The following CUZD1 variants were observed in gnomAD, a reference collection of about 807,000 sequenced individuals.
CUZD1 encodes the protein CUB and zona pellucida-like domain-containing protein 1.
Under a neutral mutation model 53.1 loss-of-function variants are expected in CUZD1, and 42 were observed. That is an observed-to-expected ratio of 0.79 (90% confidence interval 0.62 to 1.02). The LOEUF is 1.02. Among genes scored for constraint, CUZD1 ranks in the 50% least tolerant of loss-of-function variants. CUZD1 has a pLI of 0.00. For missense variants in CUZD1, 670 were observed against 715.7 expected (o/e 0.94, Z 0.73); for synonymous variants, 238 against 257.2 (o/e 0.93, Z 0.71).
At chr10:122,840,123 T>C (rs1033527927) in intron 2 of CUZD1, among the ~76,000 whole-genome samples, 1 of 152,220 alleles carries the variant, frequency 6.6e-6, no homozygotes, top group Non-Finnish European at 1.5e-5. Context: ...AAGAATAGCA[T>C]ATATGTTTCT....
At chr10:122,845,378 A>T (rs1847420314) in intron 1 of CUZD1, among the ~76,000 whole-genome samples, 1 of 151,166 alleles carries the variant, frequency 6.6e-6, no homozygotes, top group Non-Finnish European at 1.5e-5. Context: ...CCCAGCCATC[A>T]TTTTTTTTTA....
At chr10:122,840,865 C>T (rs1847330051) in intron 2 of CUZD1, among the ~76,000 whole-genome samples, 1 of 152,164 alleles carries the variant, frequency 6.6e-6, no homozygotes, top group South Asian at 2.1e-4. Context: ...GAAACTGGAA[C>T]TAGACCAGCT....
At chr10:122,838,249 C>T (rs1022929951) in intron 3 of CUZD1, among the ~76,000 whole-genome samples, 30 of 152,244 alleles carry the variant, frequency 2.0e-4, no homozygotes, top group African/African-American at 6.3e-4. Context: ...CTGGGTCCAG[C>T]GTGGGAAAAC....
chr10:122,845,678 A>G, intron 1 of CUZD1, 84 bp downstream of exon 1: 1 of 1,160,264 alleles, frequency 8.6e-7, no homozygotes, highest in Non-Finnish European at 1.2e-6. Flanking sequence ...CAACAGATAT[A>G]AACACTTTGA....
intron 1 of CUZD1, among the ~76,000 whole-genome samples, chr10:122,842,946 A>C (rs1358395012): frequency 1.3e-5 from 2 of 152,220 alleles, no homozygotes; most frequent in Non-Finnish European, 2.9e-5. Flanking sequence ...GGCTAGAGTC[A>C]AACACAGAAA....
chr10:122,844,141 A>G (rs1847394648), intron 1 of CUZD1, among the ~76,000 whole-genome samples: 1 of 151,252 alleles, frequency 6.6e-6, no homozygotes, highest in East Asian at 1.9e-4. Flanking sequence ...TGATCCTCCC[A>G]CCTCAGCCGC....
At chr10:122,839,840 AG>A (rs908560090) in intron 2 of CUZD1, among the ~76,000 whole-genome samples, 1 of 152,210 alleles carries the variant, frequency 6.6e-6, no homozygotes, top group Admixed American at 6.5e-5. Flanking sequence ...AAGTAAGACA[AG>A]GGTAGAGAAA....
chr10:122,837,119 A>C, intron 4 of CUZD1, 71 bp from the exon 5 acceptor site: 1 of 1,177,226 alleles, frequency 8.5e-7, no homozygotes, highest in Non-Finnish European at 1.2e-6. Context: ...CATCCCAACA[A>C]TCCTACTCTT....
At chr10:122,833,062 C>T (rs1309338770) in intron 8 of CUZD1, among the ~76,000 whole-genome samples, 3 of 152,126 alleles carry the variant, frequency 2.0e-5, no homozygotes, top group African/African-American at 7.2e-5. Context: ...ATCATAAGGT[C>T]CTTTAATGCC....
chr10:122,839,636 C>G (rs1847305605), intron 2 of CUZD1, among the ~76,000 whole-genome samples: 1 of 152,188 alleles, frequency 6.6e-6, no homozygotes. Context: ...TCTTCCATAG[C>G]CACCTTTCCC....
chr10:122,838,950 G>A (rs144405980), intron 3 of CUZD1, 67 bp downstream of exon 3: 18,085 of 1,223,220 alleles, frequency 0.015, 195 homozygotes, highest in Non-Finnish European at 0.019. Flanking sequence ...ATAAGAACCC[G>A]GACAGAAGAG....
At chr10:122,835,138 C>T in intron 6 of CUZD1, 41 bp from the exon 7 acceptor site, 2 of 1,464,006 alleles carry the variant, frequency 1.4e-6, no homozygotes, top group Non-Finnish European at 1.8e-6. Flanking sequence ...ATTTTAAGTC[C>T]AGTAATATTT....
chr10:122,838,912 C>A, intron 3 of CUZD1, 105 bp downstream of exon 3: 2 of 826,636 alleles, frequency 2.4e-6, no homozygotes, highest in Non-Finnish European at 4.0e-6. Context: ...AGAGAAGACT[C>A]TGAGGGAATA....
In CUZD1 at chr10:122,837,573, T is replaced by A; in HGVS notation, c.449-19A>T. The A allele has an allele frequency of 6.5e-7, 1 of 1,537,200 alleles. No homozygotes were observed. Among genetic ancestry groups the A allele is most frequent in the Non-Finnish European group, 8.7e-7 (1 of 1,147,706 alleles). ...GGAATAGCTGAAATGGATGTGAAGGTGGTCAAGAATGAACATCAAAATAGA... is the reference window on the plus strand; with the variant it reads ...GGAATAGCTGAAATGGATGTGAAGGAGGTCAAGAATGAACATCAAAATAGA... On this transcript the variant is annotated intron_variant, in intron 3 of 8. Coordinates refer to ENST00000392790, the MANE Select transcript of CUZD1 (RefSeq NM_022034.6).
chr10:122,834,751 G>T lies in CUZD1; in HGVS notation c.1337C>A (p.Pro446His), dbSNP rs751972937. 17 of 1,612,342 alleles carry T rather than the reference G, an allele frequency of 1.1e-5. No individual in the cohort carries two copies. The Admixed American group carries it at 2.8e-4, about 27-fold the overall frequency. The change falls in exon 7 of 9, where the codon CCC (proline) becomes CAC (histidine). Residue 446 changes from proline to histidine, a missense_variant. Pro to His is a moderately conservative substitution (Grantham distance 77). Coordinates refer to ENST00000392790, the MANE Select transcript of CUZD1 (RefSeq NM_022034.6). ...GGTTGGAGATGCAAAGTCAGAGGTG[G>T]GAGAGGCTCTACAGGTATCAAGAAA... The part of the protein sequence containing the change: ...VVFLDTCRAS[P>H]TSDFASPTYD...
chr10:122,836,707 G>T, intron 5 of CUZD1, 124 bp downstream of exon 5: 1 of 704,216 alleles, frequency 1.4e-6, no homozygotes, highest in Non-Finnish European at 2.4e-6. Flanking sequence ...TTATGAATAT[G>T]TTCCCAACTA....
At chr10:122,842,689 C>A (rs753916292) in intron 1 of CUZD1, among the ~76,000 whole-genome samples, 1 of 151,934 alleles carries the variant, frequency 6.6e-6, no homozygotes, top group Non-Finnish European at 1.5e-5. Flanking sequence ...ATTTATAGAT[C>A]AACCTGGGAA....
chr10:122,838,922 A>G (rs1213064203), intron 3 of CUZD1, 95 bp downstream of exon 3: 5 of 895,620 alleles, frequency 5.6e-6, no homozygotes, highest in Non-Finnish European at 9.1e-6. Flanking sequence ...CTGAGGGAAT[A>G]TACTCAGACT....
chr10:122,839,189 G>T lies in CUZD1; in HGVS notation c.276C>A (p.Val92=), dbSNP rs1847298215. 1 of 1,613,896 alleles carries T rather than the reference G, an allele frequency of 6.2e-7. No individual in the cohort carries two copies. The highest frequency in any genetic ancestry group is 8.5e-7 in the Non-Finnish European group (1 of 1,179,924). The change falls in exon 3 of 9, where the codon GTC becomes GTA. Residue 92 remains valine (V), a synonymous_variant. Transcript: ENST00000392790. ...DGSCESENIK[V]FDGTSSNGPL... is the part of the protein sequence containing the mutation. ...GCCCATTGCTGGAGGTTCCGTCAAA[G>T]ACTTTAATGTTTTCACTTTCACAGC... is the stretch of plus-strand genomic sequence containing the variant.
Sources: gnomAD v4.1 joint callset for allele counts (sites outside exome capture counted in the v4.1 genomes callset) on GRCh38, gnomAD v4.1.1 for gene constraint, MANE v1.5 for transcripts, NCBI Gene and HGNC (gene_info 2026-07-23, HGNC 2026-07-21) for gene names.